The following SFI1 variants were observed in gnomAD, a reference collection of about 807,000 sequenced individuals.
SFI1 encodes SFI1 centrin binding protein.
Under a neutral mutation model 207.5 loss-of-function variants are expected in SFI1, and 195 were observed. The observed-to-expected ratio is 0.94, with a 90% CI of 0.84 to 1.06. The LOEUF is 1.06. SFI1 is among the 50% of genes least tolerant of loss of function. The pLI, the probability that SFI1 is intolerant of heterozygous loss-of-function variation, is 0.00. For missense variants in SFI1, 1,634 were observed against 1,588.0 expected, an observed-to-expected ratio of 1.03 and a Z score of -0.49; for synonymous variants, 630 against 598.9, an observed-to-expected ratio of 1.05 and a Z score of -0.76.
intron 4 of SFI1, among the ~76,000 whole-genome samples, chr22:31,542,552 C>G (rs948782492): frequency 6.6e-6 from 1 of 151,858 alleles, no homozygotes; most frequent in Admixed American, 6.6e-5. Flanking sequence ...CGCTTGAACC[C>G]GGGAGGCGGA....
At position 31,615,061 on chromosome 22, in the gene SFI1, C is replaced by T; in HGVS notation, c.3082C>T (p.Gln1028Ter). Residue 1028 changes from glutamine (Q) to a stop codon, truncating the protein, a stop_gained, in exon 29 of 33, where the codon CAG becomes TAG. Coordinates refer to ENST00000400288, the MANE Select transcript of SFI1 (RefSeq NM_001007467.3). LOFTEE classifies it high-confidence loss of function. ...PAQSQRPQKP[Q>*]EHGLGMAQPA... ...CCCTGTGCTCAGGCCTCAGAAGCCA[C>T]AGGAACATGGCCTAGGCATGGCTCA... 1 of 1,610,814 alleles carries T rather than the reference C, an allele frequency of 6.2e-7. No homozygotes were observed. The highest frequency in any genetic ancestry group is 8.5e-7 in the Non-Finnish European group (1 of 1,178,998).
chr22:31,579,505 C>T (rs1005878820), intron 11 of SFI1, among the ~76,000 whole-genome samples: 27 of 152,016 alleles, frequency 1.8e-4, no homozygotes, highest in Non-Finnish European at 3.4e-4. Context: ...TTAATAGAGA[C>T]GGGGTTTCAC....
rs2056140340 is a variant in SFI1, at chr22:31,514,322, G to A, written c.92+5946G>A. 2.0e-5 allele frequency among the ~76,000 whole-genome samples: 3 copies of A among 151,326 alleles called. No individual in the cohort carries two copies. In the South Asian group the frequency reaches 6.2e-4, roughly 32 times the overall value. ...AGATTGAGACCATCCTGGCTAACAT[G>A]GTGAAACCCTGTCTCTACTAAAAAT... On this transcript the variant is annotated intron_variant, in intron 2 of 32. Coordinates refer to ENST00000400288, the MANE Select transcript of SFI1 (RefSeq NM_001007467.3).
intron 10 of SFI1, among the ~76,000 whole-genome samples, chr22:31,576,238 T>A (rs2063481643): frequency 6.6e-6 from 1 of 152,052 alleles, no homozygotes; most frequent in African/African-American, 2.4e-5. Context: ...TTGGCCAGGC[T>A]GGTCTCGAAC....
intron 6 of SFI1, among the ~76,000 whole-genome samples, chr22:31,551,720 T>C (rs150442083): frequency 0.012 from 1,797 of 152,334 alleles, 10 homozygotes; most frequent in Middle Eastern, 0.031. Flanking sequence ...TGTGAGCCAC[T>C]GTGCCTGGCC....
At chr22:31,589,066 T>G (rs947118314) in intron 14 of SFI1, among the ~76,000 whole-genome samples, 2 of 152,206 alleles carry the variant, frequency 1.3e-5, no homozygotes, top group South Asian at 4.2e-4. Context: ...TTATAACACA[T>G]GACAAAGGAC....
intron 24 of SFI1, chr22:31,612,241 G>A (rs974787942): frequency 1.1e-4 from 25 of 228,840 alleles, no homozygotes; most frequent in African/African-American, 1.6e-4. Context: ...TCAGCCAGGC[G>A]TGGTGGTGGG....
chr22:31,557,056 T>TA lies in SFI1; in HGVS notation c.660dup (p.Arg221ThrfsTer75), dbSNP rs1462125641. On this transcript the variant is annotated frameshift_variant, in exon 7 of 33. Transcript: ENST00000400288. LOFTEE classifies it high-confidence loss of function. ...CTGGAGTTTAGGCAACGGATTATCT[T>TA]ACGGTGAGTCTGCTCAACTGCCCTA... The TA allele has an allele frequency of 3.8e-6, 6 of 1,593,746 alleles. No homozygotes were observed. Among genetic ancestry groups the TA allele is most frequent in the Non-Finnish European group, 5.1e-6 (6 of 1,167,158 alleles).
chr22:31,536,837 ACT>A (rs1157503309), intron 4 of SFI1, among the ~76,000 whole-genome samples: 1 of 151,666 alleles, frequency 6.6e-6, no homozygotes, highest in African/African-American at 2.4e-5. Context: ...AAGTACATTG[ACT>A]CTAAGAGAAA....
intron 5 of SFI1, 35 bp downstream of exon 5, chr22:31,547,006 G>C (rs2060154722): frequency 7.3e-7 from 1 of 1,370,232 alleles, no homozygotes; most frequent in African/African-American, 1.4e-5. Flanking sequence ...CAGTTTTACT[G>C]ATGCACATTA....
chr22:31,595,930 A>C (rs1009099622), intron 15 of SFI1, among the ~76,000 whole-genome samples: 2 of 152,182 alleles, frequency 1.3e-5, no homozygotes, highest in Non-Finnish European at 2.9e-5. Flanking sequence ...AGGGGCATGC[A>C]TTGGGAGAAG....
intron 4 of SFI1, among the ~76,000 whole-genome samples, chr22:31,538,850 C>T (rs2059230128): frequency 6.6e-6 from 1 of 152,154 alleles, no homozygotes; most frequent in Non-Finnish European, 1.5e-5. Context: ...AGCTGCCTCA[C>T]AACCAAAATC....
At chr22:31,506,008 C>T (rs1021535671) in intron 1 of SFI1, among the ~76,000 whole-genome samples, 1 of 150,344 alleles carries the variant, frequency 6.7e-6, no homozygotes, top group Middle Eastern at 3.5e-3. Flanking sequence ...GCTGCGATTG[C>T]ACTGCTGCAT....
chr22:31,588,157 G>A (rs894704471), intron 14 of SFI1, among the ~76,000 whole-genome samples: 2 of 152,166 alleles, frequency 1.3e-5, no homozygotes, highest in African/African-American at 2.4e-5. Context: ...AATGGCAAGG[G>A]GTTAGAATTA....
rs552634460 is a variant in SFI1 at position 31,581,567 on chromosome 22, C to CA, written c.1248+1204dup. Among the ~76,000 whole-genome samples the CA allele has an allele frequency of 1.2e-4, 18 of 152,280 alleles. No individual in the cohort carries two copies. In the South Asian group the frequency reaches 3.5e-3, roughly 30 times the overall value. ...TCGGCCTCCTAAAGTGCTGGGATTA[C>CA]AGACATGAGCCACCATGCCCGGCCC... On this transcript the variant is annotated intron_variant, in intron 12 of 32. Transcript: ENST00000400288.
At chr22:31,575,198 G>A (rs139146917) in intron 9 of SFI1, 33 bp from the exon 10 acceptor site, 22,019 of 1,571,232 alleles carry the variant, frequency 0.014, 247 homozygotes, top group Non-Finnish European at 0.016. Context: ...CTAACCTTAG[G>A]GGAGTAGCAC....
At chr22:31,515,735 T>C (rs1386214542) in intron 2 of SFI1, among the ~76,000 whole-genome samples, 2 of 148,136 alleles carry the variant, frequency 1.4e-5, no homozygotes, top group African/African-American at 5.0e-5. Context: ...CTTAGTACCT[T>C]TTTTTTTTTT....
In SFI1 at chr22:31,528,820, C is replaced by T; in HGVS notation, c.223C>T (p.His75Tyr). The change falls in exon 3 of 33, where the codon CAT (histidine) becomes TAT (tyrosine). Residue 75 changes from histidine to tyrosine, a missense_variant. Coordinates refer to ENST00000400288, the MANE Select transcript of SFI1 (RefSeq NM_001007467.3). ...TSHLVQYRGTHTCTRQGRLRE... is the reference protein window; with the variant it reads ...TSHLVQYRGTYTCTRQGRLRE... ...TCATCTAGTGCAGTATCGTGGCACA[C>T]ATACTTGTACCCGACAGGGCCGGTT... 6.2e-7 allele frequency: 1 copy of T among 1,614,094 alleles called. No homozygotes were observed. The highest frequency in any genetic ancestry group is 8.5e-7 in the Non-Finnish European group (1 of 1,179,978).
chr22:31,569,873 G>A (rs1194207617), intron 8 of SFI1, among the ~76,000 whole-genome samples: 2 of 151,500 alleles, frequency 1.3e-5, no homozygotes, highest in East Asian at 1.9e-4. Flanking sequence ...ACCTGAGTCC[G>A]GGAAATTGAG....
Sources: allele counts gnomAD v4.1 joint callset (sites outside exome capture counted in the v4.1 genomes callset), GRCh38; gene constraint gnomAD v4.1.1; transcripts MANE v1.5; gene names NCBI Gene and HGNC (gene_info 2026-07-23, HGNC 2026-07-21).